Variants in CREB3L1 observed in about 807,000 individuals in gnomAD.
CREB3L1 encodes the protein cyclic AMP-responsive element-binding protein 3-like protein 1.
A neutral mutation model predicts 54.5 loss-of-function variants in CREB3L1; 33 were observed. The ratio of observed to expected loss-of-function variants is 0.61; its 90% CI spans 0.46 to 0.81. The LOEUF (loss-of-function observed/expected upper bound fraction) is 0.81, where lower values mean the gene tolerates loss of function less well. Among genes scored for constraint, CREB3L1 ranks in the 30% least tolerant of loss-of-function variants. The pLI, the probability that CREB3L1 is intolerant of heterozygous loss-of-function variation, is 0.00. For synonymous variants in CREB3L1, 284 were observed against 286.4 expected (o/e 0.99, Z 0.08); for missense variants, 656 against 673.3 (o/e 0.97, Z 0.29).
intron 1 of CREB3L1, among the ~76,000 whole-genome samples, chr11:46,286,489 A>G (rs1338339216): frequency 6.6e-6 from 1 of 152,150 alleles, no homozygotes; most frequent in East Asian, 1.9e-4. Flanking sequence ...ATACATGGAA[A>G]CTTACCCAGC....
intron 1 of CREB3L1, among the ~76,000 whole-genome samples, chr11:46,282,283 A>G (rs1406188258): frequency 6.6e-6 from 1 of 152,146 alleles, no homozygotes; most frequent in Admixed American, 6.5e-5. Flanking sequence ...GGGGTCCAGG[A>G]AGGGCTCTCC....
intron 9 of CREB3L1, among the ~76,000 whole-genome samples, chr11:46,316,934 G>T (rs1939575225): frequency 6.6e-6 from 1 of 152,134 alleles, no homozygotes; most frequent in Non-Finnish European, 1.5e-5. Context: ...TATGGGCAGG[G>T]GTAGTGTGGG....
intron 1 of CREB3L1, among the ~76,000 whole-genome samples, chr11:46,297,869 A>G (rs929112144): frequency 2.0e-5 from 3 of 152,190 alleles, no homozygotes; most frequent in Non-Finnish European, 4.4e-5. Flanking sequence ...CATGATGACG[A>G]TAACTAACAA....
At chr11:46,318,140 A>C (rs6485675) in intron 10 of CREB3L1, among the ~76,000 whole-genome samples, 62,810 of 151,904 alleles carry the variant, frequency 0.41, 17,968 homozygotes, top group African/African-American at 0.82. Flanking sequence ...ATCACTTGAA[A>C]CTGGGAGGCA....
chr11:46,278,308 G>C lies in CREB3L1; in HGVS notation c.102+95G>C, dbSNP rs1394869106. On this transcript the variant is annotated intron_variant, in intron 1 of 11. Transcript: ENST00000621158. This position sits in a 1 kb window ranked among gnomAD's most constrained non-coding sequence, Gnocchi z 4.2. Reference sequence around the variant, plus strand: ...GAAGGACCCGACTACACATCACTGGGCAGGAGCCGGGGAGAGGGTTCAGCG... The same window carrying C: ...GAAGGACCCGACTACACATCACTGGCCAGGAGCCGGGGAGAGGGTTCAGCG... 3 of 713,172 alleles carry C rather than the reference G, an allele frequency of 4.2e-6. No individual in the cohort carries two copies. The highest frequency in any genetic ancestry group is 3.7e-5 in the African/African-American group (2 of 54,674). 44.2% of individuals were successfully genotyped at this position (713,172 alleles called of 1,614,324 possible).
At chr11:46,317,745 G>A (rs898013259) in intron 10 of CREB3L1, among the ~76,000 whole-genome samples, 1 of 152,260 alleles carries the variant, frequency 6.6e-6, no homozygotes. Flanking sequence ...GTGGCTTGCA[G>A]GAGGTGGGTT....
At chr11:46,311,743 A>T (rs925754752) in intron 5 of CREB3L1, among the ~76,000 whole-genome samples, 1 of 151,984 alleles carries the variant, frequency 6.6e-6, no homozygotes, top group Non-Finnish European at 1.5e-5. Context: ...TGATCTGCCC[A>T]CTTCAGCCTC....
chr11:46,285,170 TGCCTCGTGCGAGTCCTGGTACCGAG>T (rs1421074964), intron 1 of CREB3L1, among the ~76,000 whole-genome samples: 2 of 152,214 alleles, frequency 1.3e-5, no homozygotes, highest in African/African-American at 4.8e-5. Flanking sequence ...CTGTATCATG[TGCCTCGTGCGAGTCCTGGTACCGAG>T]GCCCTCCTGG....
intron 1 of CREB3L1, among the ~76,000 whole-genome samples, chr11:46,287,079 C>T (rs544326686): frequency 3.5e-4 from 54 of 152,308 alleles, no homozygotes; most frequent in South Asian, 1.2e-3. Context: ...TGAGGCGGGA[C>T]GTCTTCAGCA....
chr11:46,313,924 A>G (rs577191540), intron 8 of CREB3L1, among the ~76,000 whole-genome samples: 6 of 152,248 alleles, frequency 3.9e-5, no homozygotes, highest in African/African-American at 1.4e-4. Flanking sequence ...TTCTTCGTCT[A>G]AATGGGGATG....
chr11:46,293,074 C>T (rs774034591), intron 1 of CREB3L1, among the ~76,000 whole-genome samples: 60 of 152,216 alleles, frequency 3.9e-4, no homozygotes, highest in Non-Finnish European at 7.1e-4. Context: ...CAAAGCTGGG[C>T]ACCCAGTAGG....
intron 1 of CREB3L1, among the ~76,000 whole-genome samples, chr11:46,291,377 C>T (rs968811978): frequency 9.2e-5 from 14 of 152,202 alleles, no homozygotes; most frequent in Non-Finnish European, 2.9e-5. Flanking sequence ...TTAATCCTCA[C>T]AGCAACCTGG....
chr11:46,316,703 C>G (rs879589661), intron 9 of CREB3L1, among the ~76,000 whole-genome samples: 1 of 152,128 alleles, frequency 6.6e-6, no homozygotes, highest in Non-Finnish European at 1.5e-5. Context: ...CAGGGAAGGG[C>G]TTGGGGAGAC....
intron 8 of CREB3L1, chr11:46,315,661 A>T (rs1377351352): frequency 1.7e-5 from 3 of 178,340 alleles, no homozygotes; most frequent in African/African-American, 7.1e-5. Context: ...CGTCTCTACT[A>T]AAAATACAAA....
At chr11:46,284,342 G>A (rs1453947074) in intron 1 of CREB3L1, among the ~76,000 whole-genome samples, 2 of 151,980 alleles carry the variant, frequency 1.3e-5, no homozygotes, top group African/African-American at 4.8e-5. Flanking sequence ...TTCCTTAGTG[G>A]CAAAGGAGTT....
In CREB3L1 at chr11:46,295,984, G is replaced by A. The variant is rs552531560; in HGVS notation, c.103-3951G>A. ...TATAGGAAAAAGTCTTTAACGAGGA[G>A]GGAAACAAATCATAATATGTCCTTC... On this transcript the variant is annotated intron_variant, in intron 1 of 11. Coordinates refer to ENST00000621158, the MANE Select transcript of CREB3L1 (RefSeq NM_052854.4). This position sits in a 1 kb window ranked among gnomAD's most constrained non-coding sequence, Gnocchi z 4.6. 4.6e-5 allele frequency among the ~76,000 whole-genome samples: 7 copies of A among 152,288 alleles called. No individual in the cohort carries two copies. In the South Asian group the frequency reaches 1.5e-3, roughly 32 times the overall value.
At chr11:46,318,948 C>G (rs924268396) in intron 10 of CREB3L1, among the ~76,000 whole-genome samples, 5 of 151,970 alleles carry the variant, frequency 3.3e-5, no homozygotes, top group African/African-American at 1.2e-4. Flanking sequence ...CGGACACGTG[C>G]AGGCTGAGGA....
chr11:46,320,860 A>G lies in CREB3L1; in HGVS notation c.*114A>G. ...GCCTCCTGGAGCTTCCCATTCCAGGAGAAAAGGCTCCACTTCCCAGCCCTT... is the reference window on the plus strand; with the variant it reads ...GCCTCCTGGAGCTTCCCATTCCAGGGGAAAAGGCTCCACTTCCCAGCCCTT... On this transcript the variant is annotated 3_prime_UTR_variant, in exon 12 of 12. Coordinates refer to ENST00000621158, the MANE Select transcript of CREB3L1 (RefSeq NM_052854.4). The G allele has an allele frequency of 8.7e-7, 1 of 1,151,700 alleles. No individual in the cohort carries two copies. The allele number at this position is 1,151,700 out of a possible 1,614,324, so 71.3% of individuals were successfully genotyped here. A position where few individuals can be genotyped will look rare whatever the true frequency, so the allele number is the denominator to read the frequency against.
At chr11:46,314,500 C>T (rs111332170) in intron 8 of CREB3L1, among the ~76,000 whole-genome samples, 4,991 of 151,966 alleles carry the variant, frequency 0.033, 248 homozygotes, top group African/African-American at 0.11. Flanking sequence ...CCTCAACCTC[C>T]TAAGTAGCTA....
Sources: allele counts gnomAD v4.1 joint callset (sites outside exome capture counted in the v4.1 genomes callset), GRCh38; gene constraint gnomAD v4.1.1; non-coding constraint Gnocchi (gnomAD v3.1); transcripts MANE v1.5; gene names NCBI Gene and HGNC (gene_info 2026-07-23, HGNC 2026-07-21).